Variants in RFWD3 observed in about 807,000 individuals in gnomAD.
RFWD3 encodes the protein E3 ubiquitin-protein ligase RFWD3.
In RFWD3, 65 loss-of-function variants were observed where a neutral mutation model predicts 87.7. The ratio of observed to expected loss-of-function variants is 0.74; its 90% CI spans 0.61 to 0.91. The LOEUF is 0.91. RFWD3 is among the 40% of genes least tolerant of loss of function. The pLI, the probability that RFWD3 is intolerant of heterozygous loss-of-function variation, is 0.00. For synonymous variants in RFWD3, 433 were observed against 352.8 expected (o/e 1.23, Z -2.55); for missense variants, 1,078 against 938.5 (o/e 1.15, Z -1.94).
rs150483097 is a variant in RFWD3, at chr16:74,662,463, A to C, written c.-2-1012T>G. 3.9e-5 allele frequency among the ~76,000 whole-genome samples: 6 copies of C among 152,330 alleles called. No individual in the cohort carries two copies. In the East Asian group the frequency reaches 7.7e-4, roughly 20 times the overall value. ...TATCAGAGTTTAGATTCTAGCAAGT[A>C]AGATGTCAATAAACAAATACATGAA... is the stretch of plus-strand genomic sequence containing the variant. On this transcript the variant is annotated intron_variant, in intron 1 of 12. Transcript: ENST00000361070.
At chr16:74,647,779 A>G (rs75551490) in intron 4 of RFWD3, among the ~76,000 whole-genome samples, 19,084 of 151,782 alleles carry the variant, frequency 0.13, 1,456 homozygotes, top group Admixed American at 0.24. Context: ...TTTACTAGGG[A>G]TGGGGTTTCG....
At position 74,661,050 on chromosome 16, in the gene RFWD3, G is replaced by C; in HGVS notation, c.400C>G (p.Leu134Val). The C allele has an allele frequency of 6.2e-7, 1 of 1,614,232 alleles. No individual in the cohort carries two copies. Reference protein sequence around the residue: ...ISGLQRLHGMLEFLRPSSSNH... With the variant: ...ISGLQRLHGMVEFLRPSSSNH... ...GAAGATGAAGGTCTCAGGAATTCCA[G>C]CATGCCATGAAGTCTCTGCAGTCCG... The change falls in exon 2 of 13, where the codon CTG becomes GTG. Residue 134 changes from leucine to valine, a missense_variant. Transcript: ENST00000361070.
In RFWD3 at chr16:74,621,693, T is replaced by C. The variant is rs1382166536; in HGVS notation, c.*2235A>G. The C allele has an allele frequency of 1.3e-5, 1 of 75,852 alleles. No homozygotes were observed. The highest frequency in any genetic ancestry group is 2.5e-5 in the Non-Finnish European group (1 of 40,668). 4.7% of individuals were successfully genotyped at this position (75,852 alleles called of 1,614,324 possible). On this transcript the variant is annotated 3_prime_UTR_variant, in exon 13 of 13. Coordinates refer to ENST00000361070, the MANE Select transcript of RFWD3 (RefSeq NM_018124.4). ...CTGGGAATGGCATCAGGGTTTTTTT[T>C]TGTTTGTTTGTTTTTTTTGAGATGG...
chr16:74,659,318 A>C (rs958756201), intron 2 of RFWD3, among the ~76,000 whole-genome samples: 1 of 152,162 alleles, frequency 6.6e-6, no homozygotes. Context: ...TCAACCATGG[A>C]AAGTTAGCCC....
At chr16:74,641,324 G>A (rs970868845) in intron 6 of RFWD3, among the ~76,000 whole-genome samples, 6 of 151,840 alleles carry the variant, frequency 4.0e-5, no homozygotes, top group Admixed American at 6.6e-5. Flanking sequence ...CACCATGCCC[G>A]GCTAATTTTT....
intron 4 of RFWD3, among the ~76,000 whole-genome samples, chr16:74,646,796 G>A (rs999626114): frequency 6.6e-6 from 1 of 152,078 alleles, no homozygotes; most frequent in South Asian, 2.1e-4. Flanking sequence ...GATGAGACCA[G>A]GCATGGTGGC....
At chr16:74,664,965 T>C (rs893398506) in intron 1 of RFWD3, among the ~76,000 whole-genome samples, 4 of 152,270 alleles carry the variant, frequency 2.6e-5, no homozygotes, top group Non-Finnish European at 5.9e-5. Flanking sequence ...CGAGAGACCA[T>C]GGGCTGGGCA....
chr16:74,646,903 T>TCAA (rs71376295), intron 4 of RFWD3, among the ~76,000 whole-genome samples: 92 of 150,242 alleles, frequency 6.1e-4, no homozygotes, highest in Admixed American at 1.1e-3. Flanking sequence ...AAACCCCGTC[T>TCAA]CAACAACAAC....
Position 74,661,300 on chromosome 16 carries a change from T to C in RFWD3, c.150A>G (p.Pro50=). The part of the protein sequence containing the change: ...PADVVSSQGV[P]SILQPAPAEV... Reference sequence around the variant, plus strand: ...CAGCAGGAGCTGGCTGGAGGATGGATGGTACCCCCTGGCTGCTGACCACAT... The same window carrying C: ...CAGCAGGAGCTGGCTGGAGGATGGACGGTACCCCCTGGCTGCTGACCACAT... Residue 50 remains proline (P), a synonymous_variant, in exon 2 of 13, where the codon CCA becomes CCG. Coordinates refer to ENST00000361070, the MANE Select transcript of RFWD3 (RefSeq NM_018124.4). 5.6e-6 allele frequency: 9 copies of C among 1,613,940 alleles called. No homozygotes were observed. Among genetic ancestry groups the C allele is most frequent in the Non-Finnish European group, 7.6e-6 (9 of 1,179,956 alleles).
chr16:74,666,165 T>C (rs1414017812), intron 1 of RFWD3: 2 of 149,650 alleles, frequency 1.3e-5, no homozygotes, highest in African/African-American at 2.5e-5. Flanking sequence ...AAGACATAGA[T>C]AGATTAGATA....
At chr16:74,666,644 C>G (rs1158265965) in intron 1 of RFWD3, 142 bp downstream of exon 1, 1 of 152,316 alleles carries the variant, frequency 6.6e-6, no homozygotes, top group Non-Finnish European at 1.5e-5. Flanking sequence ...GGCCCGAATC[C>G]CCTCAGGCCG....
chr16:74,645,124 G>T (rs1303175073), intron 4 of RFWD3, among the ~76,000 whole-genome samples: 1 of 152,186 alleles, frequency 6.6e-6, no homozygotes, highest in Non-Finnish European at 1.5e-5. Context: ...TATAATTAAA[G>T]AAATGCAAAT....
In RFWD3 at chr16:74,644,604, C is replaced by T. The variant is rs769112045; in HGVS notation, c.924G>A (p.Gly308=). 6.2e-7 allele frequency: 1 copy of T among 1,614,080 alleles called. No homozygotes were observed. Among genetic ancestry groups the T allele is most frequent in the Non-Finnish European group, 8.5e-7 (1 of 1,180,056 alleles). ...GDHRLSALRC[G]HLFGYRCIST... Reference sequence around the variant, plus strand: ...AAATGCACCTATACCCAAAGAGATGCCCACAGCGTAATGCTGAGAGCCGGT... The same window carrying T: ...AAATGCACCTATACCCAAAGAGATGTCCACAGCGTAATGCTGAGAGCCGGT... The change falls in exon 5 of 13, where the codon GGG becomes GGA. Residue 308 remains glycine, a synonymous_variant. Coordinates refer to ENST00000361070, the MANE Select transcript of RFWD3 (RefSeq NM_018124.4).
In RFWD3 at chr16:74,661,243, C is replaced by G. The variant is rs1347337794; in HGVS notation, c.207G>C (p.Leu69=). The G allele has an allele frequency of 6.2e-7, 1 of 1,614,172 alleles. No individual in the cohort carries two copies. The highest frequency in any genetic ancestry group is 1.7e-5 in the Admixed American group (1 of 60,010). The change falls in exon 2 of 13, where the codon CTG becomes CTC. Residue 69 remains leucine, a synonymous_variant. Coordinates refer to ENST00000361070, the MANE Select transcript of RFWD3 (RefSeq NM_018124.4). ...CAGACAGTTGCGGAGCAGGCTGGAG[C>G]AGGGGTGGTGTCGCTTGGCTGCTGA... ...EVISSQATPP[L]LQPAPQLSVD... is the part of the protein sequence containing the mutation.
At chr16:74,651,580 G>GCTGCACTCCAGTTGTCA (rs1597447035) in intron 3 of RFWD3, among the ~76,000 whole-genome samples, 1 of 152,116 alleles carries the variant, frequency 6.6e-6, no homozygotes, top group Non-Finnish European at 1.5e-5. Flanking sequence ...GATTGTTGTC[G>GCTGCACTCCAGTTGTCA]CTGCACTCCA....
intron 12 of RFWD3, among the ~76,000 whole-genome samples, chr16:74,626,123 G>A (rs1958925324): frequency 6.6e-6 from 1 of 152,084 alleles, no homozygotes; most frequent in African/African-American, 2.4e-5. Context: ...AGAAATAGAG[G>A]TTGCAGCAGT....
chr16:74,639,195 AC>A (rs1236615952), intron 6 of RFWD3, among the ~76,000 whole-genome samples: 1 of 151,836 alleles, frequency 6.6e-6, no homozygotes, highest in African/African-American at 2.4e-5. Context: ...CTGCCAACAC[AC>A]CCAGCTAATT....
At chr16:74,643,942 G>A (rs1959891613) in intron 6 of RFWD3, 16 of 222,642 alleles carry the variant, frequency 7.2e-5, no homozygotes, top group Middle Eastern at 1.9e-3. Flanking sequence ...CTCCCAAAGT[G>A]CTGGGATTAC....
chr16:74,644,480 G>C (rs561796027), intron 5 of RFWD3, 27 bp from the exon 6 acceptor site: 138 of 1,613,918 alleles, frequency 8.6e-5, no homozygotes, highest in Non-Finnish European at 1.1e-4. Context: ...GACATAATTA[G>C]AGTGGTTCTA....
Sources: gnomAD v4.1 joint callset for allele counts (sites outside exome capture counted in the v4.1 genomes callset) on GRCh38, gnomAD v4.1.1 for gene constraint, MANE v1.5 for transcripts, NCBI Gene and HGNC (gene_info 2026-07-23, HGNC 2026-07-21) for gene names.